The following LRFN5 variants were observed in gnomAD, a reference collection of about 807,000 sequenced individuals.
LRFN5 encodes leucine-rich repeat and fibronectin type-III domain-containing protein 5.
A neutral mutation model predicts 45.6 loss-of-function variants in LRFN5; 24 were observed. The ratio of observed to expected loss-of-function variants is 0.53; its 90% CI spans 0.38 to 0.74. The LOEUF (loss-of-function observed/expected upper bound fraction) is 0.74, where lower values mean the gene tolerates loss of function less well. LRFN5 is among the 30% of genes least tolerant of loss of function. LRFN5 has a pLI of 0.00. For synonymous variants in LRFN5, 340 were observed against 313.8 expected (o/e 1.08, Z -0.88); for missense variants, 776 against 861.5 (o/e 0.90, Z 1.24).
rs140231853 is a variant in LRFN5 at position 41,697,954 on chromosome 14, G to A, written c.-196-68900G>A. On this transcript the variant is annotated intron_variant, in intron 1 of 5. Coordinates refer to ENST00000298119, the MANE Select transcript of LRFN5 (RefSeq NM_152447.5). ...ACTGATGAAGGCAAGGGATGAGGTA[G>A]AGAAATCAGTCAGGAGATTGGTACA... Among the ~76,000 whole-genome samples the A allele has an allele frequency of 3.4e-3, 513 of 152,098 alleles. 3 individuals are homozygous for A. The highest frequency in any genetic ancestry group is 6.8e-3 in the Middle Eastern group (2 of 294).
At chr14:41,723,235 C>T (rs1463084118) in intron 1 of LRFN5, among the ~76,000 whole-genome samples, 2 of 152,184 alleles carry the variant, frequency 1.3e-5, no homozygotes, top group African/African-American at 4.8e-5. Context: ...CCTCCCTGTA[C>T]CAGGATCTCT....
intron 1 of LRFN5, among the ~76,000 whole-genome samples, chr14:41,682,270 A>ATAC: frequency 6.6e-6 from 1 of 152,068 alleles, no homozygotes; most frequent in East Asian, 1.9e-4. Flanking sequence ...AATAATAATA[A>ATAC]TTATGACAAC....
intron 1 of LRFN5, among the ~76,000 whole-genome samples, chr14:41,625,598 A>G (rs868163351): frequency 9.9e-5 from 15 of 152,190 alleles, no homozygotes; most frequent in African/African-American, 3.6e-4. Flanking sequence ...TTCCTTAGAT[A>G]TAGTTGAACA....
chr14:41,672,166 CGTTAGGATTAA>C (rs1594600935), intron 1 of LRFN5, among the ~76,000 whole-genome samples: 1 of 152,100 alleles, frequency 6.6e-6, no homozygotes, highest in African/African-American at 2.4e-5. Context: ...CCTCACTAGA[CGTTAGGATTAA>C]GTTAGGATAA....
At chr14:41,756,001 A>G (rs1274393789) in intron 1 of LRFN5, among the ~76,000 whole-genome samples, 4 of 152,120 alleles carry the variant, frequency 2.6e-5, no homozygotes, top group African/African-American at 2.4e-5. Context: ...TCTGTAAAGT[A>G]TTTTATTTCT....
chr14:41,665,876 ATTTTAT>A (rs1410262586), intron 1 of LRFN5, among the ~76,000 whole-genome samples: 1 of 152,016 alleles, frequency 6.6e-6, no homozygotes, highest in African/African-American at 2.4e-5. Context: ...ACTATGTAAA[ATTTTAT>A]TTTTATGTCT....
intron 2 of LRFN5, among the ~76,000 whole-genome samples, chr14:41,808,810 G>A (rs780112660): frequency 6.6e-6 from 1 of 151,912 alleles, no homozygotes; most frequent in Non-Finnish European, 1.5e-5. Flanking sequence ...TAACTTTCAG[G>A]CTTTGAGTGT....
At chr14:41,736,790 G>C (rs1426322734) in intron 1 of LRFN5, among the ~76,000 whole-genome samples, 2 of 152,056 alleles carry the variant, frequency 1.3e-5, no homozygotes, top group Non-Finnish European at 1.5e-5. Flanking sequence ...ACCCTTCCAA[G>C]ATTAAACCAG....
intron 2 of LRFN5, among the ~76,000 whole-genome samples, chr14:41,862,022 T>C (rs923579173): frequency 1.3e-5 from 2 of 152,156 alleles, no homozygotes; most frequent in Admixed American, 6.6e-5. Context: ...TTAAAAATAT[T>C]TGGCAGTACC....
intron 2 of LRFN5, among the ~76,000 whole-genome samples, chr14:41,788,195 G>A: frequency 6.6e-6 from 1 of 152,102 alleles, no homozygotes; most frequent in South Asian, 2.1e-4. Flanking sequence ...TATTGTGCTA[G>A]AGTTCATAGA....
intron 1 of LRFN5, among the ~76,000 whole-genome samples, chr14:41,673,583 C>A (rs1341188548): frequency 6.7e-6 from 1 of 148,760 alleles, no homozygotes; most frequent in Admixed American, 6.6e-5. Context: ...TGACCCCCCC[C>A]ACCTCACTCC....
At chr14:41,727,896 G>A (rs1884004152) in intron 1 of LRFN5, among the ~76,000 whole-genome samples, 2 of 152,092 alleles carry the variant, frequency 1.3e-5, no homozygotes, top group Admixed American at 6.6e-5. Context: ...GTACATGAAG[G>A]TGGGGTGGTA....
At chr14:41,878,898 T>C (rs982667857) in intron 2 of LRFN5, among the ~76,000 whole-genome samples, 6 of 152,120 alleles carry the variant, frequency 3.9e-5, no homozygotes, top group Admixed American at 1.3e-4. Flanking sequence ...CAAGGATCAG[T>C]TTGTGAACTT....
At chr14:41,641,274 A>T (rs1227544668) in intron 1 of LRFN5, among the ~76,000 whole-genome samples, 1 of 152,074 alleles carries the variant, frequency 6.6e-6, no homozygotes, top group East Asian at 1.9e-4. Context: ...AAATTCAGGT[A>T]TTAGAGCACT....
intron 1 of LRFN5, among the ~76,000 whole-genome samples, chr14:41,752,092 A>G (rs954420796): frequency 6.6e-6 from 1 of 152,060 alleles, no homozygotes; most frequent in Non-Finnish European, 1.5e-5. Context: ...AAGGACATGA[A>G]CTCATCATTT....
chr14:41,840,947 A>C (rs768093774), intron 2 of LRFN5, among the ~76,000 whole-genome samples: 1 of 151,972 alleles, frequency 6.6e-6, no homozygotes, highest in Non-Finnish European at 1.5e-5. Flanking sequence ...AAATGCACAG[A>C]ATCAATGTAT....
chr14:41,708,327 C>A (rs1258116452), intron 1 of LRFN5, among the ~76,000 whole-genome samples: 1 of 151,926 alleles, frequency 6.6e-6, no homozygotes, highest in African/African-American at 2.4e-5. Context: ...ATTCATCTGC[C>A]TCTTCTCATT....
chr14:41,857,694 A>G lies in LRFN5; in HGVS notation c.-20-28912A>G, dbSNP rs148090223. 2.1e-3 allele frequency among the ~76,000 whole-genome samples: 327 copies of G among 152,334 alleles called. 1 individual carries two copies. Among genetic ancestry groups the G allele is most frequent in the African/African-American group, 7.4e-3 (306 of 41,590 alleles). On this transcript the variant is annotated intron_variant, in intron 2 of 5. Transcript: ENST00000298119. ...ATACTCTGGACTTGTTCATCACACA[A>G]TTTGGAGACACAAATCTGAAAACAA...
chr14:41,647,121 A>G (rs1332102950), intron 1 of LRFN5, among the ~76,000 whole-genome samples: 2 of 152,180 alleles, frequency 1.3e-5, no homozygotes, highest in African/African-American at 4.8e-5. Flanking sequence ...CCTGATGTTT[A>G]TATTGTTGGT....
Sources: gnomAD v4.1 joint callset for allele counts (sites outside exome capture counted in the v4.1 genomes callset) on GRCh38, gnomAD v4.1.1 for gene constraint, MANE v1.5 for transcripts, NCBI Gene and HGNC (gene_info 2026-07-23, HGNC 2026-07-21) for gene names.